Variants in TTC39B observed in about 807,000 individuals in gnomAD.
TTC39B encodes the protein tetratricopeptide repeat domain 39B, also known as tetratricopeptide repeat protein 39B.
TTC39B carries 92 observed loss-of-function variants against 96.6 expected under a neutral mutation model. The observed-to-expected ratio is 0.95, with a 90% CI of 0.80 to 1.13. The LOEUF (loss-of-function observed/expected upper bound fraction) is 1.13, where lower values mean the gene tolerates loss of function less well. TTC39B is among the 50% of genes most tolerant of loss of function. TTC39B has a pLI of 0.00. For synonymous variants in TTC39B, 367 were observed against 299.4 expected (o/e 1.23, Z -2.33); for missense variants, 955 against 809.3 (o/e 1.18, Z -2.18).
chr9:15,218,740 G>T (rs779879177), intron 3 of TTC39B, among the ~76,000 whole-genome samples: 1 of 151,316 alleles, frequency 6.6e-6, no homozygotes, highest in East Asian at 1.9e-4. Context: ...TATAAGCTTG[G>T]TTACAAAAAA....
At chr9:15,256,134 T>G (rs560915496) in intron 2 of TTC39B, among the ~76,000 whole-genome samples, 12 of 152,200 alleles carry the variant, frequency 7.9e-5, no homozygotes, top group African/African-American at 2.9e-4. Context: ...ATGGGATTAG[T>G]ACCCTAACAA....
chr9:15,203,952 A>T, intron 6 of TTC39B, 62 bp from the exon 7 acceptor site: 1 of 1,469,220 alleles, frequency 6.8e-7, no homozygotes, highest in African/African-American at 1.4e-5. Flanking sequence ...TTGCTCTGTG[A>T]TGTTCAGGAA....
At position 15,306,965 on chromosome 9, in the gene TTC39B, A is replaced by C; in HGVS notation, c.240+119T>G. 1 of 1,440,432 alleles carries C rather than the reference A, an allele frequency of 6.9e-7. No individual in the cohort carries two copies. The highest frequency in any genetic ancestry group is 9.3e-7 in the Non-Finnish European group (1 of 1,077,470). 89.2% of individuals were successfully genotyped at this position (1,440,432 alleles called of 1,614,324 possible). A position where few individuals can be genotyped will look rare whatever the true frequency, so the allele number is the denominator to read the frequency against. On this transcript the variant is annotated intron_variant, in intron 1 of 19. Coordinates refer to ENST00000512701, the Ensembl canonical transcript of TTC39B. The surrounding 1 kb of genome is among the most constrained non-coding windows in gnomAD (Gnocchi z 5.1). ...GCCCCCACCCGGCGCCCGCCAGCCC[A>C]CCCCAGAGAGGGGACCAAGGGGGCG...
intron 1 of TTC39B, among the ~76,000 whole-genome samples, chr9:15,283,238 T>C (rs1167421131): frequency 6.6e-6 from 1 of 152,250 alleles, no homozygotes; most frequent in Non-Finnish European, 1.5e-5. Context: ...ACAGAAATTT[T>C]ATTCACATGT....
chr9:15,233,994 G>A (rs1185314862), intron 2 of TTC39B, among the ~76,000 whole-genome samples: 7 of 147,392 alleles, frequency 4.7e-5, no homozygotes, highest in Non-Finnish European at 8.9e-5. Flanking sequence ...TGTGGGGAGC[G>A]CCTCTGCCCC....
At chr9:15,215,409 T>C (rs1420044946) in intron 3 of TTC39B, among the ~76,000 whole-genome samples, 1 of 150,114 alleles carries the variant, frequency 6.7e-6, no homozygotes, top group Non-Finnish European at 1.5e-5. Context: ...AATACAAAAC[T>C]AGCTGGGTGT....
chr9:15,258,347 C>G (rs1039591982), intron 2 of TTC39B, among the ~76,000 whole-genome samples: 1 of 152,124 alleles, frequency 6.6e-6, no homozygotes, highest in African/African-American at 2.4e-5. Flanking sequence ...AAGCTTCTGA[C>G]TTGAACAAAT....
intron 2 of TTC39B, among the ~76,000 whole-genome samples, chr9:15,233,173 T>G (rs1821526399): frequency 6.6e-6 from 1 of 152,082 alleles, no homozygotes; most frequent in Non-Finnish European, 1.5e-5. Context: ...TCAGGACCTT[T>G]TCTAGCCCCA....
chr9:15,218,067 G>A (rs752146416), intron 3 of TTC39B, among the ~76,000 whole-genome samples: 3 of 151,126 alleles, frequency 2.0e-5, no homozygotes, highest in Non-Finnish European at 4.4e-5. Context: ...AATTAGCTGG[G>A]CATGGTGGCT....
chr9:15,296,989 TAAGAAAAAAGAAAAGAA>T (rs938948251), intron 1 of TTC39B, among the ~76,000 whole-genome samples: 1 of 151,874 alleles, frequency 6.6e-6, no homozygotes. Context: ...CCTGTCTCTT[TAAGAAAAAAGAAAAGAA>T]AAGAAAAAAG....
Position 15,306,342 on chromosome 9 carries a change from G to A in TTC39B, c.240+742C>T, listed in dbSNP as rs903123995. On this transcript the variant is annotated intron_variant, in intron 1 of 19. Transcript: ENST00000512701. This position sits in a 1 kb window ranked among gnomAD's most constrained non-coding sequence, Gnocchi z 5.1. ...CCCCTGGGTGCTCAGGCCCGGGCGC[G>A]CCACGACTGAAGGAGTGGCTAATTA... Among the ~76,000 whole-genome samples, 1 of 152,200 alleles carries A rather than the reference G, an allele frequency of 6.6e-6. No homozygotes were observed. Among genetic ancestry groups the A allele is most frequent in the East Asian group, 1.9e-4 (1 of 5,170 alleles).
At chr9:15,205,103 C>T (rs1819770803) in intron 6 of TTC39B, among the ~76,000 whole-genome samples, 1 of 152,064 alleles carries the variant, frequency 6.6e-6, no homozygotes, top group African/African-American at 2.4e-5. Flanking sequence ...TGCTGGTTTC[C>T]TCATTTATAA....
At chr9:15,172,228 G>C in intron 19 of TTC39B, 119 bp from the exon 20 acceptor site, 1 of 544,568 alleles carries the variant, frequency 1.8e-6, no homozygotes, top group Non-Finnish European at 3.0e-6. Flanking sequence ...ATACATAACC[G>C]TAGATCTTAG....
chr9:15,304,680 A>T (rs1824702992), intron 1 of TTC39B, among the ~76,000 whole-genome samples: 1 of 151,166 alleles, frequency 6.6e-6, no homozygotes, highest in African/African-American at 2.4e-5. Flanking sequence ...CCCCATCTCA[A>T]TAAAAACCCA....
chr9:15,234,235 G>A lies in TTC39B; in HGVS notation c.276-8223C>T, dbSNP rs567009860. ...TGGGAAGTGAGGAGCGTCTCTGCCC[G>A]GCAGCCACCCCGTCCGGGAGGGAGG... On this transcript the variant is annotated intron_variant, in intron 2 of 19. Transcript: ENST00000512701. 1.6e-3 allele frequency among the ~76,000 whole-genome samples: 244 copies of A among 151,776 alleles called. 1 individual carries two copies. The highest frequency in any genetic ancestry group is 5.1e-3 in the African/African-American group (212 of 41,360).
chr9:15,237,152 T>C (rs1359627723), intron 2 of TTC39B, among the ~76,000 whole-genome samples: 1 of 152,002 alleles, frequency 6.6e-6, no homozygotes, highest in Non-Finnish European at 1.5e-5. Flanking sequence ...TCATCTCCAT[T>C]AAAAATACAA....
chr9:15,180,981 C>T (rs956898083), intron 17 of TTC39B, among the ~76,000 whole-genome samples: 1 of 152,190 alleles, frequency 6.6e-6, no homozygotes, highest in African/African-American at 2.4e-5. Flanking sequence ...TTAAATATCT[C>T]TAAAGCCTAT....
At chr9:15,247,434 C>G (rs1052502700) in intron 2 of TTC39B, among the ~76,000 whole-genome samples, 1 of 152,082 alleles carries the variant, frequency 6.6e-6, no homozygotes, top group Non-Finnish European at 1.5e-5. Context: ...TACTCCCTAC[C>G]CTCAATTTTC....
At chr9:15,200,874 C>T (rs1038359769) in intron 7 of TTC39B, among the ~76,000 whole-genome samples, 4 of 152,278 alleles carry the variant, frequency 2.6e-5, no homozygotes, top group African/African-American at 9.6e-5. Context: ...TGGCGGGTGC[C>T]TGTAGTCGCA....
Sources: allele counts gnomAD v4.1 joint callset (sites outside exome capture counted in the v4.1 genomes callset), GRCh38; gene constraint gnomAD v4.1.1; non-coding constraint Gnocchi (gnomAD v3.1); transcripts MANE v1.5; gene names NCBI Gene and HGNC (gene_info 2026-07-23, HGNC 2026-07-21).